Variants in WDFY1 observed in about 807,000 individuals in gnomAD.
WDFY1 encodes the protein WD repeat and FYVE domain containing 1.
Under a neutral mutation model 56.4 loss-of-function variants are expected in WDFY1, and 32 were observed. The ratio of observed to expected loss-of-function variants is 0.57; its 90% CI spans 0.43 to 0.76. The LOEUF (loss-of-function observed/expected upper bound fraction) is 0.76, where lower values mean the gene tolerates loss of function less well. Ranked by LOEUF, WDFY1 falls within the 30% of genes least tolerant of loss-of-function variation. The pLI is 0.00. For missense variants in WDFY1, 480 were observed against 545.7 expected, an observed-to-expected ratio of 0.88 and a Z score of 1.20; for synonymous variants, 192 against 197.3, an observed-to-expected ratio of 0.97 and a Z score of 0.23.
At chr2:223,926,982 T>G (rs1574778320) in intron 1 of WDFY1, among the ~76,000 whole-genome samples, 1 of 152,196 alleles carries the variant, frequency 6.6e-6, no homozygotes, top group Non-Finnish European at 1.5e-5. Flanking sequence ...AGCAATAATA[T>G]TTTGAAAGGA....
intron 5 of WDFY1, among the ~76,000 whole-genome samples, chr2:223,900,353 T>C (rs1693485221): frequency 1.3e-5 from 2 of 152,236 alleles, no homozygotes; most frequent in South Asian, 2.1e-4. Context: ...TGCATTCATT[T>C]GTAGCAAACA....
chr2:223,915,662 A>G (rs1302410716), intron 2 of WDFY1, among the ~76,000 whole-genome samples: 1 of 152,216 alleles, frequency 6.6e-6, no homozygotes, highest in African/African-American at 2.4e-5. Flanking sequence ...ATTTTCCCCA[A>G]TGATGACAAA....
At chr2:223,894,404 T>G in intron 7 of WDFY1, 65 bp from the exon 8 acceptor site, 3 of 1,528,356 alleles carry the variant, frequency 2.0e-6, no homozygotes, top group Non-Finnish European at 2.7e-6. Flanking sequence ...TGTCTTCATT[T>G]AGGCTCAAAT....
At chr2:223,933,526 C>G (rs942871592) in intron 1 of WDFY1, among the ~76,000 whole-genome samples, 1 of 152,176 alleles carries the variant, frequency 6.6e-6, no homozygotes, top group Non-Finnish European at 1.5e-5. Flanking sequence ...CACTTTCTTA[C>G]ATTACAAAGT....
chr2:223,900,355 T>C (rs1693485332), intron 5 of WDFY1, among the ~76,000 whole-genome samples: 1 of 152,240 alleles, frequency 6.6e-6, no homozygotes, highest in Admixed American at 6.5e-5. Flanking sequence ...CATTCATTTG[T>C]AGCAAACATT....
At chr2:223,944,152 TG>T (rs1689361512) in intron 1 of WDFY1, among the ~76,000 whole-genome samples, 1 of 152,214 alleles carries the variant, frequency 6.6e-6, no homozygotes, top group African/African-American at 2.4e-5. Flanking sequence ...CAAAAATAAC[TG>T]ATCTAGAGGC....
At chr2:223,906,726 G>A (rs1693602661) in intron 3 of WDFY1, among the ~76,000 whole-genome samples, 1 of 151,798 alleles carries the variant, frequency 6.6e-6, no homozygotes, top group Non-Finnish European at 1.5e-5. Flanking sequence ...CACCATGTTG[G>A]CTAGGATGGT....
At chr2:223,901,533 G>T (rs678370) in intron 4 of WDFY1, among the ~76,000 whole-genome samples, 200 bp from the exon 5 acceptor site, 3 of 152,152 alleles carry the variant, frequency 2.0e-5, no homozygotes, top group South Asian at 2.1e-4. Flanking sequence ...TCTCCAAGGC[G>T]GTGCCCTCTG....
intron 1 of WDFY1, among the ~76,000 whole-genome samples, chr2:223,926,765 T>G (rs1693990262): frequency 6.6e-6 from 1 of 152,132 alleles, no homozygotes; most frequent in Non-Finnish European, 1.5e-5. Flanking sequence ...CCTCCTAGGC[T>G]CAAGCGATTC....
chr2:223,887,638 T>G (rs963537571), intron 8 of WDFY1, among the ~76,000 whole-genome samples: 3 of 152,228 alleles, frequency 2.0e-5, no homozygotes, highest in African/African-American at 7.2e-5. Flanking sequence ...TCTATTTTCC[T>G]TGAACACACA....
At chr2:223,927,718 GC>G (rs1363968849) in intron 1 of WDFY1, among the ~76,000 whole-genome samples, 7 of 152,106 alleles carry the variant, frequency 4.6e-5, no homozygotes, top group African/African-American at 1.7e-4. Context: ...CCATAACTTG[GC>G]TGTTTGGTGC....
chr2:223,943,898 T>A (rs1256912254), intron 1 of WDFY1, among the ~76,000 whole-genome samples: 2 of 152,134 alleles, frequency 1.3e-5, no homozygotes, highest in Non-Finnish European at 2.9e-5. Context: ...CTGGACCCAA[T>A]CAGTGTTTCC....
chr2:223,901,490 C>T (rs148592292), intron 4 of WDFY1, among the ~76,000 whole-genome samples, 157 bp from the exon 5 acceptor site: 61 of 152,290 alleles, frequency 4.0e-4, no homozygotes, highest in African/African-American at 1.3e-3. Flanking sequence ...TCAGACAACC[C>T]GCCCCAGCTC....
chr2:223,899,739 A>G (rs1186557750), intron 5 of WDFY1, among the ~76,000 whole-genome samples: 1 of 151,692 alleles, frequency 6.6e-6, no homozygotes, highest in Admixed American at 6.6e-5. Flanking sequence ...ACAGTGCAAG[A>G]CTCTTTCTCA....
At chr2:223,932,950 T>C (rs1363869378) in intron 1 of WDFY1, among the ~76,000 whole-genome samples, 1 of 151,542 alleles carries the variant, frequency 6.6e-6, no homozygotes, top group Non-Finnish European at 1.5e-5. Context: ...ACGAACAACA[T>C]AGCTATCATT....
chr2:223,935,370 G>C (rs2106103311), intron 1 of WDFY1, among the ~76,000 whole-genome samples: 1 of 152,182 alleles, frequency 6.6e-6, no homozygotes, highest in African/African-American at 2.4e-5. Flanking sequence ...GGTTGACAAA[G>C]AAAAATGAAT....
chr2:223,920,172 A>G (rs1475033445), intron 1 of WDFY1, among the ~76,000 whole-genome samples: 2 of 152,228 alleles, frequency 1.3e-5, no homozygotes, highest in African/African-American at 4.8e-5. Flanking sequence ...ATGCACAAAG[A>G]CAACAGGTAT....
At chr2:223,924,540 T>G (rs2106096275) in intron 1 of WDFY1, among the ~76,000 whole-genome samples, 1 of 152,240 alleles carries the variant, frequency 6.6e-6, no homozygotes, top group African/African-American at 2.4e-5. Context: ...ATTTTTGTAT[T>G]TTTAGTACAG....
chr2:223,941,981 C>G (rs866127494), intron 1 of WDFY1, among the ~76,000 whole-genome samples: 2 of 152,076 alleles, frequency 1.3e-5, no homozygotes, highest in African/African-American at 4.8e-5. Context: ...CAACAGAAAC[C>G]TCAAACGCCA....
Sources: allele counts gnomAD v4.1 joint callset (sites outside exome capture counted in the v4.1 genomes callset), GRCh38; gene constraint gnomAD v4.1.1; transcripts MANE v1.5; gene names NCBI Gene and HGNC (gene_info 2026-07-23, HGNC 2026-07-21).